Variants in RFX4 observed in about 807,000 individuals in gnomAD.
RFX4 encodes transcription factor RFX4.
A neutral mutation model predicts 95.0 loss-of-function variants in RFX4; 10 were observed. That is an observed-to-expected ratio of 0.11 (90% confidence interval 0.06 to 0.18). RFX4 has a LOEUF of 0.18. Among genes scored for constraint, RFX4 ranks in the 10% least tolerant of loss-of-function variants. The probability of loss-of-function intolerance (pLI) is 1.00; values close to 1 mark genes in which losing one functional copy is unlikely to be tolerated. For synonymous variants in RFX4, 321 were observed against 340.7 expected (o/e 0.94, Z 0.64); for missense variants, 640 against 922.0 (o/e 0.69, Z 3.96).
At chr12:106,711,778 A>C (rs1431962377) in intron 10 of RFX4, among the ~76,000 whole-genome samples, 1 of 152,230 alleles carries the variant, frequency 6.6e-6, no homozygotes, top group East Asian at 1.9e-4. Flanking sequence ...TATCCAGCCC[A>C]AAATGTATGT....
intron 3 of RFX4, among the ~76,000 whole-genome samples, chr12:106,640,134 T>C (rs1385594900): frequency 6.6e-6 from 1 of 152,232 alleles, no homozygotes; most frequent in Non-Finnish European, 1.5e-5. Context: ...ACTTTATATA[T>C]ATGCCTCATT....
chr12:106,645,893 G>A, intron 3 of RFX4: 3 of 1,289,096 alleles, frequency 2.3e-6, no homozygotes, highest in Non-Finnish European at 2.0e-6. Context: ...GCCACTAGAT[G>A]TGACTGTGTC....
rs112800845 is a variant in RFX4 at position 106,715,843 on chromosome 12, T to C, written c.1138+299T>C. ...CAGCCCCGGTTCCATGGAGGTGGCA[T>C]TAAATATGAGAACAAAAGCTTATTG... is the stretch of plus-strand genomic sequence containing the variant. On this transcript the variant is annotated intron_variant, in intron 11 of 17. Coordinates refer to ENST00000392842, the MANE Select transcript of RFX4 (RefSeq NM_213594.3). 8.3e-3 allele frequency among the ~76,000 whole-genome samples: 1,264 copies of C among 152,226 alleles called. 25 individuals carry two copies. Among genetic ancestry groups the C allele is most frequent in the African/African-American group, 0.029 (1,207 of 41,528 alleles).
chr12:106,697,112 C>G (rs928234454), intron 8 of RFX4, among the ~76,000 whole-genome samples: 5 of 152,160 alleles, frequency 3.3e-5, no homozygotes, highest in Non-Finnish European at 7.3e-5. Context: ...GCTGTGTTCC[C>G]TTCCAAGCAA....
chr12:106,609,261 A>G (rs1192961036), intron 2 of RFX4, among the ~76,000 whole-genome samples: 1 of 152,192 alleles, frequency 6.6e-6, no homozygotes, highest in Non-Finnish European at 1.5e-5. Flanking sequence ...GTCACAGGAT[A>G]GTTGTTTTAG....
chr12:106,686,483 T>C (rs1592938884), intron 5 of RFX4, among the ~76,000 whole-genome samples: 1 of 151,466 alleles, frequency 6.6e-6, no homozygotes, highest in East Asian at 1.9e-4. Context: ...TTATTAGAGG[T>C]GCAGTTAGTA....
At chr12:106,640,861 A>G (rs1565960500) in intron 3 of RFX4, among the ~76,000 whole-genome samples, 1 of 149,818 alleles carries the variant, frequency 6.7e-6, no homozygotes, top group Non-Finnish European at 1.5e-5. Flanking sequence ...GCTCACTGCA[A>G]CCTCTACTTT....
At chr12:106,656,553 AT>A (rs1315921619) in intron 4 of RFX4, among the ~76,000 whole-genome samples, 1 of 152,150 alleles carries the variant, frequency 6.6e-6, no homozygotes, top group Admixed American at 6.5e-5. Context: ...CGGAACAGAC[AT>A]CCCCCACTTC....
At chr12:106,658,871 G>C (rs2041013936) in intron 4 of RFX4, among the ~76,000 whole-genome samples, 2 of 152,120 alleles carry the variant, frequency 1.3e-5, no homozygotes, top group African/African-American at 4.8e-5. Flanking sequence ...CTGTAGCTCT[G>C]TTATTGTGTT....
intron 4 of RFX4, chr12:106,662,104 G>A (rs1313865877): frequency 3.3e-6 from 1 of 306,858 alleles, no homozygotes; most frequent in African/African-American, 2.2e-5. Flanking sequence ...TAGATTGTAT[G>A]GTAAGAGTTT....
At chr12:106,610,472 C>G (rs902668656) in intron 2 of RFX4, among the ~76,000 whole-genome samples, 1 of 152,146 alleles carries the variant, frequency 6.6e-6, no homozygotes, top group African/African-American at 2.4e-5. Context: ...CCTCATTCTC[C>G]TTTTCCCTCA....
chr12:106,617,208 T>C (rs1288705181), intron 2 of RFX4, among the ~76,000 whole-genome samples: 1 of 152,192 alleles, frequency 6.6e-6, no homozygotes, highest in Non-Finnish European at 1.5e-5. Context: ...CTTTTGGGTT[T>C]GTTGTTTTTC....
At chr12:106,590,552 A>G (rs2039524681) in intron 1 of RFX4, among the ~76,000 whole-genome samples, 1 of 152,228 alleles carries the variant, frequency 6.6e-6, no homozygotes, top group South Asian at 2.1e-4. Context: ...GATCACTCTT[A>G]TTGTGTGTTC....
intron 2 of RFX4, among the ~76,000 whole-genome samples, chr12:106,616,205 T>C (rs1426065833): frequency 6.6e-6 from 1 of 152,258 alleles, no homozygotes. Context: ...TTTCTACATT[T>C]GTTTTGATGA....
chr12:106,761,100 T>G, intron 17 of RFX4, 97 bp from the exon 18 acceptor site: 4 of 1,307,594 alleles, frequency 3.1e-6, no homozygotes, highest in Non-Finnish European at 4.2e-6. Context: ...TAATAGCATC[T>G]TAAGAAATTT....
intron 6 of RFX4, 97 bp from the exon 7 acceptor site, chr12:106,689,190 C>G (rs77230921): frequency 1.8e-5 from 18 of 1,023,428 alleles, no homozygotes; most frequent in African/African-American, 1.4e-4. Flanking sequence ...GCATCCCCCC[C>G]ACAGGGAAGA....
At position 106,711,528 on chromosome 12, in the gene RFX4, A is replaced by T; in HGVS notation, c.993+17A>T. The T allele has an allele frequency of 6.2e-7, 1 of 1,612,392 alleles. No homozygotes were observed. ...CTCTGCCAGGTAGCTGTCCTCCATTATGTGTTTTAATCACTGCTGAGTCAT... is the reference window on the plus strand; with the variant it reads ...CTCTGCCAGGTAGCTGTCCTCCATTTTGTGTTTTAATCACTGCTGAGTCAT... On this transcript the variant is annotated intron_variant, in intron 10 of 17. Coordinates refer to ENST00000392842, the MANE Select transcript of RFX4 (RefSeq NM_213594.3).
chr12:106,699,082 C>T (rs1411813769), intron 8 of RFX4, among the ~76,000 whole-genome samples: 2 of 152,038 alleles, frequency 1.3e-5, no homozygotes, highest in African/African-American at 2.4e-5. Flanking sequence ...CTTAGCTGCA[C>T]CCACAGATTT....
intron 4 of RFX4, among the ~76,000 whole-genome samples, chr12:106,663,036 T>G (rs1290456384): frequency 1.3e-5 from 2 of 152,128 alleles, no homozygotes; most frequent in Non-Finnish European, 2.9e-5. Flanking sequence ...AGGCTGACTA[T>G]TCTGGGTCTT....
Sources: allele counts gnomAD v4.1 joint callset (sites outside exome capture counted in the v4.1 genomes callset), GRCh38; gene constraint gnomAD v4.1.1; transcripts MANE v1.5; gene names NCBI Gene and HGNC (gene_info 2026-07-23, HGNC 2026-07-21).